Variants in SCFD2 observed in about 807,000 individuals in gnomAD.
SCFD2 encodes sec1 family domain-containing protein 2.
In SCFD2, 54 loss-of-function variants were observed where a neutral mutation model predicts 58.9. The ratio of observed to expected loss-of-function variants is 0.92; its 90% CI spans 0.74 to 1.15. The LOEUF (loss-of-function observed/expected upper bound fraction) is 1.15. Among genes scored for constraint, SCFD2 ranks in the 50% most tolerant of loss-of-function variants. The pLI, the probability that SCFD2 is intolerant of heterozygous loss-of-function variation, is 0.00. For missense variants in SCFD2, 805 were observed against 836.6 expected (o/e 0.96, Z 0.47); for synonymous variants, 321 against 335.9 (o/e 0.96, Z 0.49).
chr4:52,878,767 T>C (rs1718538642), intron 8 of SCFD2, among the ~76,000 whole-genome samples: 1 of 152,192 alleles, frequency 6.6e-6, no homozygotes, highest in African/African-American at 2.4e-5. Flanking sequence ...AACTGGTCTT[T>C]TCTCAGGCAA....
chr4:52,977,126 A>G (rs1033985104), intron 5 of SCFD2, among the ~76,000 whole-genome samples: 1 of 152,100 alleles, frequency 6.6e-6, no homozygotes, highest in African/African-American at 2.4e-5. Flanking sequence ...ACTTTGAACA[A>G]TTGCTCCCAC....
At chr4:53,267,421 C>A (rs969517112) in intron 4 of SCFD2, among the ~76,000 whole-genome samples, 1 of 152,106 alleles carries the variant, frequency 6.6e-6, no homozygotes, top group Non-Finnish European at 1.5e-5. Flanking sequence ...AAAGAGCATT[C>A]CGATGATCAG....
intron 5 of SCFD2, among the ~76,000 whole-genome samples, chr4:53,093,408 C>A (rs1402745126): frequency 4.6e-5 from 7 of 152,056 alleles, no homozygotes; most frequent in Admixed American, 4.6e-4. Context: ...CCATTGAGAG[C>A]AATTTGGCAA....
intron 2 of SCFD2, among the ~76,000 whole-genome samples, chr4:53,315,499 C>G (rs1732834944): frequency 5.3e-5 from 8 of 152,084 alleles, no homozygotes; most frequent in Admixed American, 5.2e-4. Flanking sequence ...AGCCAAGGAG[C>G]ATGTGATTGA....
intron 5 of SCFD2, among the ~76,000 whole-genome samples, chr4:53,040,285 G>A (rs1283196219): frequency 6.6e-6 from 1 of 152,144 alleles, no homozygotes; most frequent in East Asian, 1.9e-4. Context: ...CTCAATATGA[G>A]AGAGGGAGGT....
chr4:53,019,973 G>A (rs1215187994), intron 5 of SCFD2, among the ~76,000 whole-genome samples: 2 of 152,132 alleles, frequency 1.3e-5, no homozygotes, highest in Non-Finnish European at 2.9e-5. Context: ...CAATATGAAA[G>A]ATTCCAAACA....
intron 5 of SCFD2, among the ~76,000 whole-genome samples, chr4:52,954,796 T>C (rs890705911): frequency 4.6e-5 from 7 of 152,154 alleles, no homozygotes; most frequent in Non-Finnish European, 1.5e-5. Context: ...GTTTTGCAGA[T>C]GTACACATCT....
chr4:53,205,092 G>A (rs1328975157), intron 4 of SCFD2, among the ~76,000 whole-genome samples: 11 of 152,034 alleles, frequency 7.2e-5, no homozygotes, highest in African/African-American at 2.7e-4. Flanking sequence ...AGTTGTAAGC[G>A]AGGAAGATAT....
intron 4 of SCFD2, among the ~76,000 whole-genome samples, chr4:53,182,908 A>G (rs1468087441): frequency 6.6e-6 from 1 of 152,224 alleles, no homozygotes; most frequent in Non-Finnish European, 1.5e-5. Context: ...AAAAATGCTC[A>G]TCACCACTGG....
At chr4:53,065,743 A>G (rs573360060) in intron 5 of SCFD2, among the ~76,000 whole-genome samples, 99 of 152,132 alleles carry the variant, frequency 6.5e-4, no homozygotes, top group African/African-American at 2.3e-3. Flanking sequence ...GGCTTTTTTA[A>G]CTTAAAAAAT....
chr4:53,080,274 G>A (rs1724102700), intron 5 of SCFD2, among the ~76,000 whole-genome samples: 1 of 152,118 alleles, frequency 6.6e-6, no homozygotes, highest in Non-Finnish European at 1.5e-5. Context: ...GTAAGTTATG[G>A]TTTAATAATG....
chr4:53,179,548 GC>G (rs1270688226), intron 4 of SCFD2, among the ~76,000 whole-genome samples: 1 of 152,150 alleles, frequency 6.6e-6, no homozygotes, highest in Non-Finnish European at 1.5e-5. Flanking sequence ...GCAAAAACAT[GC>G]CAAATTATAA....
At chr4:52,944,928 C>T (rs1230675542) in intron 5 of SCFD2, among the ~76,000 whole-genome samples, 1 of 152,096 alleles carries the variant, frequency 6.6e-6, no homozygotes, top group Admixed American at 6.6e-5. Context: ...ATTTCTTGAC[C>T]AACTCCTGTA....
chr4:53,256,683 T>C lies in SCFD2; in HGVS notation c.1311+17143A>G, dbSNP rs926982522. Among the ~76,000 whole-genome samples, 431 of 151,898 alleles carry C rather than the reference T, an allele frequency of 2.8e-3. 1 individual carries two copies. Among genetic ancestry groups the C allele is most frequent in the African/African-American group, 9.9e-3 (410 of 41,310 alleles). On this transcript the variant is annotated intron_variant, in intron 4 of 8. Coordinates refer to ENST00000401642, the MANE Select transcript of SCFD2 (RefSeq NM_152540.4). Reference sequence around the variant, plus strand: ...CGCGATTAGGAGCTGGAGACCAGCCTGGCCAACACAGCAAAACCCTGTCTC... The same window carrying C: ...CGCGATTAGGAGCTGGAGACCAGCCCGGCCAACACAGCAAAACCCTGTCTC...
intron 4 of SCFD2, among the ~76,000 whole-genome samples, chr4:53,233,035 CT>C (rs1381378443): frequency 1.3e-5 from 2 of 152,160 alleles, no homozygotes; most frequent in East Asian, 3.8e-4. Flanking sequence ...CAGAAATACT[CT>C]AGGTATTCTG....
chr4:53,247,070 T>C (rs937714648), intron 4 of SCFD2, among the ~76,000 whole-genome samples: 3 of 145,828 alleles, frequency 2.1e-5, no homozygotes, highest in African/African-American at 7.5e-5. Flanking sequence ...AGAATGAGAA[T>C]TAAAAAAACA....
At chr4:52,875,551 T>C (rs1032345734) in intron 8 of SCFD2, among the ~76,000 whole-genome samples, 4 of 151,776 alleles carry the variant, frequency 2.6e-5, no homozygotes, top group African/African-American at 9.7e-5. Flanking sequence ...CTATCCTCCT[T>C]GCCCACTCCC....
At chr4:52,960,095 A>G (rs996296553) in intron 5 of SCFD2, among the ~76,000 whole-genome samples, 1 of 151,846 alleles carries the variant, frequency 6.6e-6, no homozygotes, top group African/African-American at 2.4e-5. Context: ...TGTCCCTCTC[A>G]CCCTATTATC....
intron 5 of SCFD2, among the ~76,000 whole-genome samples, chr4:52,921,438 C>G (rs559215410): frequency 2.0e-5 from 3 of 152,122 alleles, no homozygotes; most frequent in African/African-American, 7.2e-5. Flanking sequence ...TTTTCAAACT[C>G]AGAAGAACGT....
Sources: gnomAD v4.1 joint callset for allele counts (sites outside exome capture counted in the v4.1 genomes callset) on GRCh38, gnomAD v4.1.1 for gene constraint, MANE v1.5 for transcripts, NCBI Gene and HGNC (gene_info 2026-07-23, HGNC 2026-07-21) for gene names.